XYLT1: variants seen among roughly 807,000 people sequenced by gnomAD.
XYLT1 encodes xylosyltransferase 1, also known as beta-D-xylosyltransferase 1.
In XYLT1, 36 loss-of-function variants were observed where a neutral mutation model predicts 91.3. The observed-to-expected ratio is 0.39, with a 90% CI of 0.30 to 0.52. The LOEUF (loss-of-function observed/expected upper bound fraction) is 0.52. XYLT1 is among the 20% of genes least tolerant of loss of function. XYLT1 has a pLI of 0.68. For synonymous variants in XYLT1, 588 were observed against 532.0 expected, an observed-to-expected ratio of 1.11 and a Z score of -1.45; for missense variants, 1,242 against 1,284.5, an observed-to-expected ratio of 0.97 and a Z score of 0.51.
intron 5 of XYLT1, among the ~76,000 whole-genome samples, chr16:17,172,671 C>G (rs2031852827): frequency 6.6e-6 from 1 of 152,060 alleles, no homozygotes; most frequent in South Asian, 2.1e-4. Context: ...TGGGGTTTTG[C>G]CATGTTGGCC....
At chr16:17,211,296 G>T (rs1458505464) in intron 3 of XYLT1, among the ~76,000 whole-genome samples, 4 of 152,072 alleles carry the variant, frequency 2.6e-5, no homozygotes, top group Non-Finnish European at 4.4e-5. Flanking sequence ...AGGGCAGGGG[G>T]ATACTCAAGC....
chr16:17,361,743 G>A (rs1310542002), intron 1 of XYLT1, among the ~76,000 whole-genome samples: 1 of 152,116 alleles, frequency 6.6e-6, no homozygotes, highest in African/African-American at 2.4e-5. Context: ...CAACATGACA[G>A]GAAATGATTA....
intron 11 of XYLT1, among the ~76,000 whole-genome samples, 179 bp downstream of exon 11, chr16:17,117,467 G>A (rs371416741): frequency 6.6e-6 from 1 of 152,126 alleles, no homozygotes; most frequent in African/African-American, 2.4e-5. Context: ...TCCGTGTGCA[G>A]GTAGGACATT....
intron 1 of XYLT1, among the ~76,000 whole-genome samples, chr16:17,462,532 G>A (rs998454516): frequency 3.9e-5 from 6 of 152,178 alleles, no homozygotes; most frequent in African/African-American, 7.2e-5. Context: ...TGTTGCAGGC[G>A]GAAGGAAGTG....
intron 2 of XYLT1, among the ~76,000 whole-genome samples, chr16:17,353,980 A>G (rs575120320): frequency 6.6e-6 from 1 of 152,366 alleles, no homozygotes; most frequent in East Asian, 1.9e-4. Flanking sequence ...GGTATCACAC[A>G]AACACCTGTG....
At chr16:17,126,300 C>A (rs1000950392) in intron 10 of XYLT1, among the ~76,000 whole-genome samples, 3 of 152,142 alleles carry the variant, frequency 2.0e-5, no homozygotes, top group Admixed American at 2.0e-4. Flanking sequence ...ACAGGGAGAG[C>A]CCAGACACCA....
chr16:17,306,923 C>T (rs2034479310), intron 2 of XYLT1, among the ~76,000 whole-genome samples: 1 of 152,180 alleles, frequency 6.6e-6, no homozygotes, highest in South Asian at 2.1e-4. Flanking sequence ...TGCCCAAGGT[C>T]ACACAGCTAG....
intron 5 of XYLT1, among the ~76,000 whole-genome samples, chr16:17,180,138 C>T (rs8045917): frequency 0.1 from 15,578 of 152,240 alleles, 902 homozygotes; most frequent in African/African-American, 0.14. Context: ...AGGGAACTCT[C>T]AGGGGTGGGG....
intron 3 of XYLT1, among the ~76,000 whole-genome samples, chr16:17,207,172 C>G (rs972450312): frequency 1.3e-5 from 2 of 151,056 alleles, no homozygotes; most frequent in Admixed American, 1.3e-4. Flanking sequence ...ATTCTTCTGC[C>G]TCAGCCTCCT....
In XYLT1 at chr16:17,105,280, A is replaced by G. The variant is rs1966759200; in HGVS notation, c.*3415T>C. ...GTCTTCAGACACCCTACTTGTGCCCAGAGTAGAAGCAATTGCAGTGAGTGA... is the reference window on the plus strand; with the variant it reads ...GTCTTCAGACACCCTACTTGTGCCCGGAGTAGAAGCAATTGCAGTGAGTGA... On this transcript the variant is annotated 3_prime_UTR_variant, in exon 12 of 12. Coordinates refer to ENST00000261381, the MANE Select transcript of XYLT1 (RefSeq NM_022166.4). The G allele has an allele frequency of 6.6e-6, 1 of 152,384 alleles. No homozygotes were observed. The highest frequency in any genetic ancestry group is 6.5e-5 in the Admixed American group (1 of 15,306). 9.4% of individuals were successfully genotyped at this position (152,384 alleles called of 1,614,324 possible). A position where few individuals can be genotyped will look rare whatever the true frequency, so the allele number is the denominator to read the frequency against.
chr16:17,378,529 A>G (rs2035631099), intron 1 of XYLT1, among the ~76,000 whole-genome samples: 1 of 152,228 alleles, frequency 6.6e-6, no homozygotes, highest in African/African-American at 2.4e-5. Context: ...TATTCTAGCA[A>G]GATGTCTCCT....
chr16:17,289,399 C>G (rs2034189157), intron 2 of XYLT1, among the ~76,000 whole-genome samples: 2 of 152,100 alleles, frequency 1.3e-5, no homozygotes, highest in Admixed American at 1.3e-4. Flanking sequence ...ACATAAAATC[C>G]CGCAATTGTC....
intron 1 of XYLT1, among the ~76,000 whole-genome samples, chr16:17,440,608 G>C (rs2036521328): frequency 6.6e-6 from 1 of 152,160 alleles, no homozygotes; most frequent in South Asian, 2.1e-4. Flanking sequence ...AATAGAAATG[G>C]AATCTTATCC....
chr16:17,266,455 C>A (rs1015149701), intron 2 of XYLT1, among the ~76,000 whole-genome samples: 8 of 152,158 alleles, frequency 5.3e-5, no homozygotes, highest in Non-Finnish European at 1.0e-4. Flanking sequence ...TATTTTCTAC[C>A]CATTTTTCAG....
chr16:17,433,612 C>T (rs2036417247), intron 1 of XYLT1, among the ~76,000 whole-genome samples: 1 of 152,276 alleles, frequency 6.6e-6, no homozygotes, highest in African/African-American at 2.4e-5. Context: ...ACAAGTGGGT[C>T]CAGCCATGAC....
At chr16:17,168,673 T>G (rs148704521) in intron 5 of XYLT1, among the ~76,000 whole-genome samples, 1 of 152,116 alleles carries the variant, frequency 6.6e-6, no homozygotes, top group Non-Finnish European at 1.5e-5. Context: ...GGAAAAGGTA[T>G]GAAAAATGCT....
At chr16:17,212,955 T>G (rs1389117449) in intron 3 of XYLT1, among the ~76,000 whole-genome samples, 1 of 151,822 alleles carries the variant, frequency 6.6e-6, no homozygotes, top group Non-Finnish European at 1.5e-5. Flanking sequence ...AGAGCTATTA[T>G]GATAATAGCA....
At chr16:17,203,313 G>A (rs1307465432) in intron 3 of XYLT1, among the ~76,000 whole-genome samples, 1 of 152,142 alleles carries the variant, frequency 6.6e-6, no homozygotes, top group Non-Finnish European at 1.5e-5. Context: ...GATTCTAGGT[G>A]ATTAATAAGG....
rs543063026 is a variant in XYLT1 at position 17,230,008 on chromosome 16, A to G, written c.913+28980T>C. Among the ~76,000 whole-genome samples, 17 of 152,320 alleles carry G rather than the reference A, an allele frequency of 1.1e-4. No homozygotes were observed. In the South Asian group the frequency reaches 3.1e-3, roughly 28 times the overall value. ...AGGCAGGGACTGCACTGGTGCATCT[A>G]CAAGCCAAGAAACACCAAGGAACGC... On this transcript the variant is annotated intron_variant, in intron 3 of 11. Coordinates refer to ENST00000261381, the MANE Select transcript of XYLT1 (RefSeq NM_022166.4).
Sources: gnomAD v4.1 joint callset for allele counts (sites outside exome capture counted in the v4.1 genomes callset) on GRCh38, gnomAD v4.1.1 for gene constraint, MANE v1.5 for transcripts, NCBI Gene and HGNC (gene_info 2026-07-23, HGNC 2026-07-21) for gene names.